Variants in LTBP1 observed in about 807,000 individuals in gnomAD.
LTBP1 encodes the protein latent-transforming growth factor beta-binding protein 1.
In LTBP1, 129 loss-of-function variants were observed where a neutral mutation model predicts 207.6. The ratio of observed to expected loss-of-function variants is 0.62; its 90% CI spans 0.54 to 0.72. LTBP1 has a LOEUF of 0.72. LTBP1 is among the 30% of genes least tolerant of loss of function. LTBP1 has a pLI of 0.00. For synonymous variants in LTBP1, 963 were observed against 833.7 expected (o/e 1.16, Z -2.67); for missense variants, 2,281 against 2,217.2 (o/e 1.03, Z -0.58).
chr2:33,392,918 G>A (rs1422219859), intron 32 of LTBP1, among the ~76,000 whole-genome samples: 1 of 151,292 alleles, frequency 6.6e-6, no homozygotes, highest in Non-Finnish European at 1.5e-5. Flanking sequence ...ATATTGCCCA[G>A]GCTGGTCTTC....
At chr2:33,385,969 G>GA (rs1307295072) in intron 31 of LTBP1, among the ~76,000 whole-genome samples, 4 of 152,088 alleles carry the variant, frequency 2.6e-5, no homozygotes, top group Non-Finnish European at 4.4e-5. Flanking sequence ...ATTTTAAGAG[G>GA]AAAAAACGCA....
chr2:33,302,601 C>G (rs1048578331), intron 22 of LTBP1, among the ~76,000 whole-genome samples: 2 of 152,174 alleles, frequency 1.3e-5, no homozygotes, highest in African/African-American at 4.8e-5. Context: ...TATCCTCCTG[C>G]TGCTGGGAGT....
intron 3 of LTBP1, among the ~76,000 whole-genome samples, chr2:33,102,910 C>T (rs1487858469): frequency 6.6e-6 from 1 of 150,880 alleles, no homozygotes; most frequent in African/African-American, 2.4e-5. Context: ...ATGCTGTATG[C>T]ACTGTGTATG....
intron 31 of LTBP1, among the ~76,000 whole-genome samples, chr2:33,388,320 A>C (rs1574123583): frequency 6.6e-6 from 1 of 152,176 alleles, no homozygotes; most frequent in East Asian, 1.9e-4. Flanking sequence ...GCTGGGGTAC[A>C]GAGATGGTAA....
intron 3 of LTBP1, among the ~76,000 whole-genome samples, chr2:33,054,628 A>G (rs1022828649): frequency 6.6e-6 from 1 of 152,226 alleles, no homozygotes; most frequent in South Asian, 2.1e-4. Flanking sequence ...GAGGTGTGAG[A>G]AACACCTGGT....
At chr2:33,059,982 G>T (rs1472881545) in intron 3 of LTBP1, among the ~76,000 whole-genome samples, 1 of 152,218 alleles carries the variant, frequency 6.6e-6, no homozygotes, top group East Asian at 1.9e-4. Flanking sequence ...AAATAGCTAA[G>T]AGAAGTTTGG....
chr2:33,176,682 C>T (rs1187438996), intron 5 of LTBP1, among the ~76,000 whole-genome samples: 8 of 152,124 alleles, frequency 5.3e-5, no homozygotes, highest in Non-Finnish European at 8.8e-5. Context: ...GTATAGTGCA[C>T]GACCTGACCA....
At chr2:33,287,940 A>C (rs1387377093) in intron 19 of LTBP1, among the ~76,000 whole-genome samples, 1 of 152,162 alleles carries the variant, frequency 6.6e-6, no homozygotes, top group Non-Finnish European at 1.5e-5. Context: ...ATGTTCTTCC[A>C]TCTTCTTTAA....
intron 9 of LTBP1, among the ~76,000 whole-genome samples, chr2:33,240,886 G>T (rs1005852560): frequency 2.0e-5 from 3 of 151,954 alleles, no homozygotes; most frequent in Admixed American, 1.3e-4. Context: ...TCCTGACTTC[G>T]TGATCTGCCC....
At chr2:33,170,787 C>T (rs1449905090) in intron 5 of LTBP1, among the ~76,000 whole-genome samples, 5 of 152,026 alleles carry the variant, frequency 3.3e-5, no homozygotes, top group Non-Finnish European at 7.4e-5. Context: ...ACACCTCACA[C>T]GGCCGGGTAC....
intron 31 of LTBP1, among the ~76,000 whole-genome samples, chr2:33,381,551 A>G (rs2095214861): frequency 6.6e-6 from 1 of 152,218 alleles, no homozygotes; most frequent in Non-Finnish European, 1.5e-5. Flanking sequence ...GACAAGTACA[A>G]TTTAATTGAA....
chr2:32,953,075 CAG>C (rs1677434661), intron 2 of LTBP1, among the ~76,000 whole-genome samples: 1 of 152,210 alleles, frequency 6.6e-6, no homozygotes, highest in Non-Finnish European at 1.5e-5. Context: ...TAGAAAGAAA[CAG>C]AAAATCGATA....
chr2:33,168,506 T>C (rs2085135268), intron 5 of LTBP1, among the ~76,000 whole-genome samples: 1 of 152,162 alleles, frequency 6.6e-6, no homozygotes, highest in Admixed American at 6.5e-5. Flanking sequence ...ACTTGTGATG[T>C]TGTCTTACAA....
At chr2:33,337,281 A>T (rs947297033) in intron 24 of LTBP1, among the ~76,000 whole-genome samples, 1 of 152,192 alleles carries the variant, frequency 6.6e-6, no homozygotes, top group East Asian at 1.9e-4. Flanking sequence ...AGTAAAAAGC[A>T]TCTGGGCAAG....
At chr2:33,283,410 C>A (rs996867093) in intron 19 of LTBP1, among the ~76,000 whole-genome samples, 2 of 146,468 alleles carry the variant, frequency 1.4e-5, no homozygotes, top group African/African-American at 5.0e-5. Flanking sequence ...GAAAATTCTC[C>A]GTGATAACAT....
intron 3 of LTBP1, among the ~76,000 whole-genome samples, chr2:33,084,978 A>G (rs946442538): frequency 6.6e-6 from 1 of 152,212 alleles, no homozygotes; most frequent in Admixed American, 6.5e-5. Context: ...TCTTATTGGA[A>G]AATTAAGGAT....
At chr2:33,004,894 C>T (rs1020031201) in intron 2 of LTBP1, among the ~76,000 whole-genome samples, 7 of 149,472 alleles carry the variant, frequency 4.7e-5, no homozygotes, top group Non-Finnish European at 8.9e-5. Flanking sequence ...GGTAACTTGG[C>T]CAGGAAATCA....
intron 20 of LTBP1, among the ~76,000 whole-genome samples, chr2:33,298,964 C>T (rs1221725229): frequency 6.6e-6 from 1 of 151,874 alleles, no homozygotes; most frequent in African/African-American, 2.4e-5. Context: ...AAGTTAATGC[C>T]CCATTAGAGG....
At chr2:33,256,322 G>A (rs751729384) in intron 11 of LTBP1, among the ~76,000 whole-genome samples, 14 of 151,856 alleles carry the variant, frequency 9.2e-5, no homozygotes, top group Middle Eastern at 3.4e-3. Context: ...TCACTATCCC[G>A]AGATTCTCCC....
Sources: allele counts gnomAD v4.1 joint callset (sites outside exome capture counted in the v4.1 genomes callset), GRCh38; gene constraint gnomAD v4.1.1; transcripts MANE v1.5; gene names NCBI Gene and HGNC (gene_info 2026-07-23, HGNC 2026-07-21).